The following CD300LB variants were observed in gnomAD, a reference collection of about 807,000 sequenced individuals.
The protein encoded by CD300LB is CD300 molecule like family member b, also known as CMRF35-like molecule 7.
Under a neutral mutation model 20.8 loss-of-function variants are expected in CD300LB, and 18 were observed. That is an observed-to-expected ratio of 0.87 (90% CI 0.60 to 1.28). The LOEUF (loss-of-function observed/expected upper bound fraction) is 1.28, where lower values mean the gene tolerates loss of function less well. CD300LB is among the 50% of genes most tolerant of loss of function. CD300LB has a pLI of 0.00. For synonymous variants in CD300LB, 91 were observed against 91.3 expected, an observed-to-expected ratio of 1.00 and a Z score of 0.02; for missense variants, 222 against 251.8, an observed-to-expected ratio of 0.88 and a Z score of 0.80.
chr17:74,529,762 C>A (rs1401955917), intron 1 of CD300LB, among the ~76,000 whole-genome samples: 1 of 152,146 alleles, frequency 6.6e-6, no homozygotes, highest in Non-Finnish European at 1.5e-5. Context: ...TGCACTCCAA[C>A]CTGGGTGACA....
intron 1 of CD300LB, among the ~76,000 whole-genome samples, chr17:74,527,995 C>A (rs1048639303): frequency 4.0e-5 from 6 of 151,816 alleles, no homozygotes; most frequent in African/African-American, 1.5e-4. Flanking sequence ...AAGTGAGAAC[C>A]CTATTGTGAA....
At position 74,522,609 on chromosome 17, in the gene CD300LB, A is replaced by C. The variant is rs1907915216; in HGVS notation, c.*129T>G. 1.3e-6 allele frequency: 2 copies of C among 1,497,414 alleles called. No homozygotes were observed. The highest frequency in any genetic ancestry group is 1.8e-6 in the Non-Finnish European group (2 of 1,127,176). The allele number at this position is 1,497,414 out of a possible 1,614,324, so 92.8% of individuals were successfully genotyped here. A position where few individuals can be genotyped will look rare whatever the true frequency, so the allele number is the denominator to read the frequency against. The stretch of plus-strand genomic sequence containing the variant: ...AACAGGGAGGTGCCCACCAGCTCCA[A>C]GGCCAGGGCGGAGGCCCAGGGCCCC... On this transcript the variant is annotated 3_prime_UTR_variant, in exon 4 of 4. Coordinates refer to ENST00000392621, the MANE Select transcript of CD300LB (RefSeq NM_174892.4).
intron 3 of CD300LB, 162 bp downstream of exon 3, chr17:74,523,417 G>C: frequency 1.6e-6 from 1 of 637,492 alleles, no homozygotes; most frequent in Non-Finnish European, 2.9e-6. Context: ...GGAGATGGTG[G>C]ATTGCAGTGA....
rs749020752 is a variant in CD300LB, at chr17:74,531,365, G to A, written c.-15C>T. On this transcript the variant is annotated 5_prime_UTR_variant, in exon 1 of 4. Coordinates refer to ENST00000392621, the MANE Select transcript of CD300LB (RefSeq NM_174892.4). ...GGCAGCCACATGGCTCTGCCTTCCC[G>A]GCTCCTCGTCCGCCTGATCTGCAAC... is the stretch of plus-strand genomic sequence containing the variant. The A allele has an allele frequency of 6.8e-6, 11 of 1,612,410 alleles. No homozygotes were observed. Among genetic ancestry groups the A allele is most frequent in the Non-Finnish European group, 6.8e-6 (8 of 1,179,276 alleles).
At chr17:74,523,313 T>C in intron 3 of CD300LB, 1 of 553,830 alleles carries the variant, frequency 1.8e-6, no homozygotes, top group South Asian at 2.2e-5. Context: ...TGGCACCCAT[T>C]AGGCCACCAA....
chr17:74,527,969 CA>C, intron 1 of CD300LB, among the ~76,000 whole-genome samples: 1 of 152,026 alleles, frequency 6.6e-6, no homozygotes, highest in East Asian at 1.9e-4. Flanking sequence ...CCAGCGGCCG[CA>C]TTAGATTCTC....
intron 3 of CD300LB, chr17:74,523,344 T>C (rs1368724893): frequency 5.2e-6 from 3 of 573,450 alleles, no homozygotes; most frequent in Non-Finnish European, 9.4e-6. Context: ...ACTGATTGAC[T>C]GGGAGAATGA....
rs765017393 is a variant in CD300LB, at chr17:74,521,509, C to T, written c.*1229G>A. 1,212 of 985,342 alleles carry T rather than the reference C, an allele frequency of 1.2e-3. 2 individuals carry two copies. The highest frequency in any genetic ancestry group is 1.4e-3 in the Non-Finnish European group (1,160 of 829,974). 61.0% of individuals were successfully genotyped at this position (985,342 alleles called of 1,614,324 possible). ...TTTCAGGCCCATCATTGGCCAGAGACCTAAATTCAGTTCAAAGTCAGAGAA... is the reference window on the plus strand; with the variant it reads ...TTTCAGGCCCATCATTGGCCAGAGATCTAAATTCAGTTCAAAGTCAGAGAA... On this transcript the variant is annotated 3_prime_UTR_variant, in exon 4 of 4. Transcript: ENST00000392621.
At chr17:74,529,566 G>A (rs1908138340) in intron 1 of CD300LB, among the ~76,000 whole-genome samples, 1 of 152,170 alleles carries the variant, frequency 6.6e-6, no homozygotes, top group African/African-American at 2.4e-5. Context: ...CAAGGTGGGT[G>A]GATCACCTGA....
intron 1 of CD300LB, 152 bp downstream of exon 1, chr17:74,531,159 C>G (rs1908200895): frequency 2.3e-6 from 2 of 858,690 alleles, no homozygotes; most frequent in African/African-American, 3.6e-5. Flanking sequence ...TGTCCTCAGG[C>G]CCCGAAGCAC....
At position 74,522,432 on chromosome 17, in the gene CD300LB, G is replaced by A; in HGVS notation, c.*306C>T. On this transcript the variant is annotated 3_prime_UTR_variant, in exon 4 of 4. Transcript: ENST00000392621. ...ACCTCTTTCTGTACTTTGGTCCCATGCTCTGTGCCCGAGTTATTCCAGCAG... is the reference window on the plus strand; with the variant it reads ...ACCTCTTTCTGTACTTTGGTCCCATACTCTGTGCCCGAGTTATTCCAGCAG... 9.2e-7 allele frequency: 1 copy of A among 1,090,038 alleles called. No homozygotes were observed. The highest frequency in any genetic ancestry group is 1.1e-6 in the Non-Finnish European group (1 of 894,798). 67.5% of individuals were successfully genotyped at this position (1,090,038 alleles called of 1,614,324 possible).
Position 74,531,309 on chromosome 17 carries a change from A to T in CD300LB, c.40+2T>A. ...AGCGCCCAAGGCCCCAGCCCCACTCACCTGAGAGGCTGAGAAGGAGCAGAG... is the reference window on the plus strand; with the variant it reads ...AGCGCCCAAGGCCCCAGCCCCACTCTCCTGAGAGGCTGAGAAGGAGCAGAG... On this transcript the variant is annotated splice_donor_variant, in intron 1 of 3. Coordinates refer to ENST00000392621, the MANE Select transcript of CD300LB (RefSeq NM_174892.4). LOFTEE classifies it high-confidence loss of function. The T allele has an allele frequency of 6.3e-7, 1 of 1,580,430 alleles. No individual in the cohort carries two copies. The highest frequency in any genetic ancestry group is 1.2e-5 in the South Asian group (1 of 86,750).
At chr17:74,527,015 T>A (rs1181880272) in intron 1 of CD300LB, among the ~76,000 whole-genome samples, 13 of 152,194 alleles carry the variant, frequency 8.5e-5, no homozygotes, top group Non-Finnish European at 1.5e-5. Context: ...CAGCTCAGAC[T>A]CCCCTTAGCT....
rs927714641 is a variant in CD300LB at position 74,526,241 on chromosome 17, G to A, written c.41-164C>T. On this transcript the variant is annotated intron_variant, in intron 1 of 3. Transcript: ENST00000392621. ...AGTTTGGTGTTTAAGAGTCCCGAGT[G>A]TGTCTCTAGCACACCCGATTCCTCA... Among the ~76,000 whole-genome samples, 6 of 152,220 alleles carry A rather than the reference G, an allele frequency of 3.9e-5. No individual in the cohort carries two copies. In the East Asian group the frequency reaches 7.7e-4, roughly 20 times the overall value.
intron 2 of CD300LB, 150 bp downstream of exon 2, chr17:74,525,598 T>G: frequency 1.4e-6 from 1 of 704,672 alleles, no homozygotes; most frequent in Non-Finnish European, 2.4e-6. Flanking sequence ...TCCCAGTCAG[T>G]TTGTCTGCCT....
At chr17:74,524,834 A>G (rs1417789611) in intron 2 of CD300LB, among the ~76,000 whole-genome samples, 1 of 151,982 alleles carries the variant, frequency 6.6e-6, no homozygotes, top group Non-Finnish European at 1.5e-5. Flanking sequence ...GTCTTGCTCA[A>G]TCCCCTCTCT....
intron 1 of CD300LB, among the ~76,000 whole-genome samples, chr17:74,528,667 G>A (rs991105756): frequency 1.3e-5 from 2 of 151,602 alleles, no homozygotes; most frequent in African/African-American, 2.4e-5. Context: ...CTCTGCCATC[G>A]CAGGCCACAA....
At chr17:74,524,151 C>T (rs941340158) in intron 2 of CD300LB, among the ~76,000 whole-genome samples, 30 of 152,162 alleles carry the variant, frequency 2.0e-4, no homozygotes, top group Admixed American at 1.8e-3. Context: ...CTATGAGAAA[C>T]GGAACATTTT....
In CD300LB at chr17:74,521,504, A is replaced by G. The variant is rs1253301053; in HGVS notation, c.*1234T>C. 2 of 985,346 alleles carry G rather than the reference A, an allele frequency of 2.0e-6. No homozygotes were observed. Among genetic ancestry groups the G allele is most frequent in the Non-Finnish European group, 2.4e-6 (2 of 829,954 alleles). The allele number at this position is 985,346 out of a possible 1,614,324, so 61.0% of individuals were successfully genotyped here. A position where few individuals can be genotyped will look rare whatever the true frequency, so the allele number is the denominator to read the frequency against. On this transcript the variant is annotated 3_prime_UTR_variant, in exon 4 of 4. Coordinates refer to ENST00000392621, the MANE Select transcript of CD300LB (RefSeq NM_174892.4). ...GGAATTTTCAGGCCCATCATTGGCC[A>G]GAGACCTAAATTCAGTTCAAAGTCA...
Sources: allele counts gnomAD v4.1 joint callset (sites outside exome capture counted in the v4.1 genomes callset), GRCh38; gene constraint gnomAD v4.1.1; transcripts MANE v1.5; gene names NCBI Gene and HGNC (gene_info 2026-07-23, HGNC 2026-07-21).